Variants in PSMC3IP observed in about 807,000 individuals in gnomAD.
PSMC3IP encodes PSMC3 interacting protein.
In PSMC3IP, 26 loss-of-function variants were observed where a neutral mutation model predicts 34.9. The observed-to-expected ratio is 0.74, with a 90% CI of 0.55 to 1.03. The LOEUF is 1.03. Among genes scored for constraint, PSMC3IP ranks in the 50% least tolerant of loss-of-function variants. The pLI is 0.00. For synonymous variants in PSMC3IP, 87 were observed against 96.5 expected, an observed-to-expected ratio of 0.90 and a Z score of 0.57; for missense variants, 250 against 263.1, an observed-to-expected ratio of 0.95 and a Z score of 0.34.
At chr17:42,574,887 G>A (rs1158507492) in intron 3 of PSMC3IP, among the ~76,000 whole-genome samples, 2 of 152,180 alleles carry the variant, frequency 1.3e-5, no homozygotes, top group Admixed American at 6.5e-5. Flanking sequence ...CTAAGTAGCT[G>A]GGATTACAGG....
intron 3 of PSMC3IP, 155 bp from the exon 4 acceptor site, chr17:42,574,365 A>G (rs746065872): frequency 1.7e-5 from 25 of 1,480,260 alleles, no homozygotes; most frequent in South Asian, 7.8e-5. Flanking sequence ...TACTTTTGAG[A>G]AATTGTTTTC....
At chr17:42,577,438 G>C (rs2093083094) in intron 2 of PSMC3IP, 23 bp downstream of exon 2, 1 of 1,612,868 alleles carries the variant, frequency 6.2e-7, no homozygotes, top group South Asian at 1.1e-5. Context: ...GACGGAGAGG[G>C]AATCCCGGGA....
intron 3 of PSMC3IP, among the ~76,000 whole-genome samples, chr17:42,574,828 A>G (rs546939155): frequency 6.9e-6 from 1 of 144,808 alleles, no homozygotes; most frequent in Non-Finnish European, 1.5e-5. Flanking sequence ...ATCTTGGCTG[A>G]CTGCAACCTC....
upstream of PSMC3IP, chr17:42,577,764 G>A: frequency 5.1e-6 from 8 of 1,572,012 alleles, no homozygotes; most frequent in Non-Finnish European, 6.1e-6. Context: ...CGACGGGGGC[G>A]GGCCTCGAAC....
In PSMC3IP at chr17:42,573,626, G is replaced by A; in HGVS notation, c.338-3C>T. On this transcript the variant is annotated splice_polypyrimidine_tract_variant and splice_region_variant and intron_variant, in intron 4 of 7. Coordinates refer to ENST00000393795, the MANE Select transcript of PSMC3IP (RefSeq NM_016556.4). ...GGCACTAGATAATTCCTTGAGCTCT[G>A]AAACCACATCCGCCTGGGGTCACTT... The A allele has an allele frequency of 6.2e-7, 1 of 1,614,128 alleles. No homozygotes were observed. Among genetic ancestry groups the A allele is most frequent in the Non-Finnish European group, 8.5e-7 (1 of 1,179,968 alleles).
rs2093081747 is a variant in PSMC3IP, at chr17:42,577,305, G to A, written c.136-3C>T. ...TGCTCCAGCGTCTTCACCACCACCT[G>A]GCAGAGGAGAGAGAAGGAGCAATCA... On this transcript the variant is annotated splice_polypyrimidine_tract_variant and splice_region_variant and intron_variant, in intron 2 of 7. Coordinates refer to ENST00000393795, the MANE Select transcript of PSMC3IP (RefSeq NM_016556.4). The A allele has an allele frequency of 2.5e-6, 4 of 1,613,818 alleles. No individual in the cohort carries two copies. In the African/African-American group the frequency reaches 5.3e-5, roughly 22 times the overall value.
At position 42,573,465 on chromosome 17, in the gene PSMC3IP, C is replaced by T. The variant is rs576887152; in HGVS notation, c.483+13G>A. 38 of 1,614,252 alleles carry T rather than the reference C, an allele frequency of 2.4e-5. 1 individual carries two copies. In the Admixed American group the frequency reaches 5.3e-4, roughly 23 times the overall value. ...CTGGACCTGCACAGCGGTCCTACAG[C>T]CTTCCAGCTCACCTGCTCTTTCTCT... On this transcript the variant is annotated intron_variant, in intron 5 of 7. Coordinates refer to ENST00000393795, the MANE Select transcript of PSMC3IP (RefSeq NM_016556.4).
Position 42,573,514 on chromosome 17 carries a change from T to C in PSMC3IP, c.447A>G (p.Ala149=). 6 of 1,614,254 alleles carry C rather than the reference T, an allele frequency of 3.7e-6. No homozygotes were observed. Among genetic ancestry groups the C allele is most frequent in the Non-Finnish European group, 5.1e-6 (6 of 1,180,052 alleles). The change falls in exon 5 of 8, where the codon GCA becomes GCG. Residue 149 remains alanine (A), a synonymous_variant. Coordinates refer to ENST00000393795, the MANE Select transcript of PSMC3IP (RefSeq NM_016556.4). The part of the protein sequence containing the change: ...GYRERLKNIK[A]ATNHVTPEEK... ...CTTCTGGAGTCACATGATTGGTAGCTGCTTTAATGTTCTTCAATCTCTCTC... is the reference window on the plus strand; with the variant it reads ...CTTCTGGAGTCACATGATTGGTAGCCGCTTTAATGTTCTTCAATCTCTCTC...
At chr17:42,577,824 C>G, upstream of PSMC3IP, 1 of 1,045,500 alleles carries the variant, frequency 9.6e-7, no homozygotes, top group Non-Finnish European at 1.5e-6. Context: ...CGACCCCTCC[C>G]GGACTCCATA....
Position 42,572,441 on chromosome 17 carries a change from T to G in PSMC3IP, c.*527A>C, listed in dbSNP as rs1264215661. 1 of 454,662 alleles carries G rather than the reference T, an allele frequency of 2.2e-6. No homozygotes were observed. The highest frequency in any genetic ancestry group is 4.4e-6 in the Non-Finnish European group (1 of 226,786). 28.2% of individuals were successfully genotyped at this position (454,662 alleles called of 1,614,324 possible). ...TCTTGGCCTCTCCCATGTCTCAGTGTTGCCTGCATTTCTCCCAGGACTTGG... is the reference window on the plus strand; with the variant it reads ...TCTTGGCCTCTCCCATGTCTCAGTGGTGCCTGCATTTCTCCCAGGACTTGG... On this transcript the variant is annotated 3_prime_UTR_variant, in exon 8 of 8. Transcript: ENST00000393795.
rs2093048787 is a variant in PSMC3IP, at chr17:42,573,298, C to T, written c.537+13G>A. The T allele has an allele frequency of 6.2e-7, 1 of 1,614,118 alleles. No homozygotes were observed. Among genetic ancestry groups the T allele is most frequent in the Non-Finnish European group, 8.5e-7 (1 of 1,180,030 alleles). On this transcript the variant is annotated intron_variant, in intron 6 of 7. Coordinates refer to ENST00000393795, the MANE Select transcript of PSMC3IP (RefSeq NM_016556.4). ...CACCTCCAGGGCCTGTCTCGGAGCT[C>T]CCACACACTTACCATCCTCTTCCTC...
rs1386043115 is a variant in PSMC3IP at position 42,572,568 on chromosome 17, T to C, written c.*400A>G. ...CCGTGGGCCCTCCAAATGCTCGTTT[T>C]ATAGCAACCTCTCTCTACCCTAGTT... On this transcript the variant is annotated 3_prime_UTR_variant, in exon 8 of 8. Transcript: ENST00000393795. 2.2e-6 allele frequency: 1 copy of C among 453,722 alleles called. No individual in the cohort carries two copies. Among genetic ancestry groups the C allele is most frequent in the Non-Finnish European group, 4.4e-6 (1 of 226,510 alleles). 28.1% of individuals were successfully genotyped at this position (453,722 alleles called of 1,614,324 possible). A position where few individuals can be genotyped will look rare whatever the true frequency, so the allele number is the denominator to read the frequency against.
chr17:42,573,052 G>C, intron 7 of PSMC3IP, 28 bp from the exon 8 acceptor site: 1 of 1,614,148 alleles, frequency 6.2e-7, no homozygotes, highest in Non-Finnish European at 8.5e-7. Flanking sequence ...AAGTGAATGA[G>C]ATGTCACCAG....
In PSMC3IP at chr17:42,572,339, A is replaced by G. The variant is rs1173137501; in HGVS notation, c.*629T>C. 4.4e-6 allele frequency: 2 copies of G among 454,342 alleles called. No homozygotes were observed. The highest frequency in any genetic ancestry group is 8.8e-6 in the Non-Finnish European group (2 of 226,688). 28.1% of individuals were successfully genotyped at this position (454,342 alleles called of 1,614,324 possible). ...TATTGGAAATTTTTTATTTTTCTAA[A>G]TACCAATGCAGTTTTGCTACGGTTA... On this transcript the variant is annotated 3_prime_UTR_variant, in exon 8 of 8. Coordinates refer to ENST00000393795, the MANE Select transcript of PSMC3IP (RefSeq NM_016556.4).
In PSMC3IP at chr17:42,572,870, G is replaced by A. The variant is rs1294031054; in HGVS notation, c.*98C>T. 8 of 1,400,402 alleles carry A rather than the reference G, an allele frequency of 5.7e-6. No homozygotes were observed. In the East Asian group the frequency reaches 1.1e-4, roughly 20 times the overall value. 86.7% of individuals were successfully genotyped at this position (1,400,402 alleles called of 1,614,324 possible). On this transcript the variant is annotated 3_prime_UTR_variant, in exon 8 of 8. Coordinates refer to ENST00000393795, the MANE Select transcript of PSMC3IP (RefSeq NM_016556.4). ...CTCTGCTTAAAGGTGAAAGTAGCAG[G>A]AACAACAACAAAAGCCAACCAAAAA... is the stretch of plus-strand genomic sequence containing the variant.
At chr17:42,577,138 A>G (rs1056821476) in intron 3 of PSMC3IP, 75 bp downstream of exon 3, 3 of 1,607,668 alleles carry the variant, frequency 1.9e-6, no homozygotes, top group Non-Finnish European at 2.5e-6. Context: ...CCTTGTCCCC[A>G]AAGAGTTCAC....
At chr17:42,573,434 T>G (rs775195021) in intron 5 of PSMC3IP, 44 bp downstream of exon 5, 1 of 1,614,136 alleles carries the variant, frequency 6.2e-7, no homozygotes, top group African/African-American at 1.3e-5. Context: ...AGCCCTGATG[T>G]TCACTCTGGA....
chr17:42,577,427 C>G lies in PSMC3IP; in HGVS notation c.135+34G>C, dbSNP rs566826546. On this transcript the variant is annotated intron_variant, in intron 2 of 7. Coordinates refer to ENST00000393795, the MANE Select transcript of PSMC3IP (RefSeq NM_016556.4). ...GACCCCAGCCTGAATCCAGGGAGTC[C>G]GACGGAGAGGGAATCCCGGGAGAAG... 3.7e-6 allele frequency: 6 copies of G among 1,612,330 alleles called. No individual in the cohort carries two copies. The African/African-American group carries it at 8.0e-5, about 22-fold the overall frequency.
Position 42,574,217 on chromosome 17 carries a change from G to A in PSMC3IP, c.226-7C>T, listed in dbSNP as rs1159440033. 3 of 1,613,186 alleles carry A rather than the reference G, an allele frequency of 1.9e-6. No individual in the cohort carries two copies. The highest frequency in any genetic ancestry group is 2.2e-5 in the South Asian group (2 of 90,910). Reference sequence around the variant, plus strand: ...TCACCATGTCAAACTGGTCCTGCCAGACAAAGAGGGAAAATACAAGTGAAC... The same window carrying A: ...TCACCATGTCAAACTGGTCCTGCCAAACAAAGAGGGAAAATACAAGTGAAC... On this transcript the variant is annotated splice_polypyrimidine_tract_variant and splice_region_variant and intron_variant, in intron 3 of 7. Coordinates refer to ENST00000393795, the MANE Select transcript of PSMC3IP (RefSeq NM_016556.4).
Sources: gnomAD v4.1 joint callset for allele counts (sites outside exome capture counted in the v4.1 genomes callset) on GRCh38, gnomAD v4.1.1 for gene constraint, MANE v1.5 for transcripts, NCBI Gene and HGNC (gene_info 2026-07-23, HGNC 2026-07-21) for gene names.